Variants in IQUB observed in about 807,000 individuals in gnomAD.
The protein encoded by IQUB is IQ motif and ubiquitin-like domain-containing protein.
A neutral mutation model predicts 86.4 loss-of-function variants in IQUB; 86 were observed. The observed-to-expected ratio is 1.00, with a 90% CI of 0.84 to 1.19. The LOEUF (loss-of-function observed/expected upper bound fraction) is 1.19, where lower values mean the gene tolerates loss of function less well. IQUB is among the 50% of genes most tolerant of loss of function. The probability of loss-of-function intolerance (pLI) is 0.00; values close to 1 mark genes in which losing one functional copy is unlikely to be tolerated. For missense variants in IQUB, 946 were observed against 916.9 expected, an observed-to-expected ratio of 1.03 and a Z score of -0.41; for synonymous variants, 289 against 304.5, an observed-to-expected ratio of 0.95 and a Z score of 0.53.
chr7:123,519,702 T>C (rs1210777324), intron 1 of IQUB, among the ~76,000 whole-genome samples: 1 of 152,172 alleles, frequency 6.6e-6, no homozygotes, highest in African/African-American at 2.4e-5. Context: ...AAAATACATT[T>C]ACATAGAAGG....
At chr7:123,506,231 CT>C (rs1259604018) in intron 3 of IQUB, among the ~76,000 whole-genome samples, 3 of 152,190 alleles carry the variant, frequency 2.0e-5, no homozygotes, top group Non-Finnish European at 4.4e-5. Flanking sequence ...TAACAAGTCT[CT>C]AGGAAGCTCC....
intron 1 of IQUB, among the ~76,000 whole-genome samples, chr7:123,518,979 C>G (rs61264962): frequency 6.6e-6 from 1 of 151,876 alleles, no homozygotes; most frequent in Non-Finnish European, 1.5e-5. Context: ...TCAAATACCC[C>G]CTAATTTATT....
intron 1 of IQUB, among the ~76,000 whole-genome samples, chr7:123,530,369 G>A (rs1797471284): frequency 6.6e-6 from 1 of 151,934 alleles, no homozygotes; most frequent in Non-Finnish European, 1.5e-5. Flanking sequence ...CTGGAAGGCG[G>A]AGGTTGCAGT....
At chr7:123,520,563 G>C (rs1460341150) in intron 1 of IQUB, among the ~76,000 whole-genome samples, 1 of 152,162 alleles carries the variant, frequency 6.6e-6, no homozygotes, top group Non-Finnish European at 1.5e-5. Flanking sequence ...GACAAATGGA[G>C]AAATGAGAAG....
chr7:123,453,230 T>A (rs996730904), intron 12 of IQUB, among the ~76,000 whole-genome samples: 6 of 148,644 alleles, frequency 4.0e-5, no homozygotes, highest in African/African-American at 1.2e-4. Flanking sequence ...CTAGCTTTCT[T>A]AGCCCTTATT....
At chr7:123,463,519 AAGTC>A (rs1285294968) in intron 10 of IQUB, among the ~76,000 whole-genome samples, 1 of 151,844 alleles carries the variant, frequency 6.6e-6, no homozygotes, top group Admixed American at 6.6e-5. Flanking sequence ...TAAGTGAAAG[AAGTC>A]AGTCTCAAAA....
intron 11 of IQUB, 80 bp from the exon 12 acceptor site, chr7:123,457,646 A>G: frequency 1.9e-6 from 2 of 1,029,074 alleles, no homozygotes; most frequent in Non-Finnish European, 1.4e-6. Context: ...AAATAATTAA[A>G]TTATAGAGTA....
At chr7:123,464,293 A>C (rs1794144374) in intron 10 of IQUB, among the ~76,000 whole-genome samples, 1 of 152,012 alleles carries the variant, frequency 6.6e-6, no homozygotes, top group South Asian at 2.1e-4. Context: ...AGTGTAATTC[A>C]AATATGTTAC....
chr7:123,459,899 A>AATC (rs1793903034), intron 11 of IQUB: 1 of 152,006 alleles, frequency 6.6e-6, no homozygotes, highest in Admixed American at 6.6e-5. Flanking sequence ...CAAAATATGT[A>AATC]ATCATTTTAA....
At chr7:123,460,760 A>C (rs1197042044) in intron 11 of IQUB, among the ~76,000 whole-genome samples, 1 of 151,856 alleles carries the variant, frequency 6.6e-6, no homozygotes, top group Non-Finnish European at 1.5e-5. Flanking sequence ...AAAGAGACCG[A>C]AGTAGTGGTT....
intron 1 of IQUB, among the ~76,000 whole-genome samples, chr7:123,513,160 T>C (rs1340446740): frequency 6.6e-6 from 1 of 152,134 alleles, no homozygotes; most frequent in African/African-American, 2.4e-5. Flanking sequence ...GGCTTCTACT[T>C]TGAGCACAAA....
chr7:123,522,473 G>C (rs1796953138), intron 1 of IQUB, among the ~76,000 whole-genome samples: 1 of 152,204 alleles, frequency 6.6e-6, no homozygotes, highest in Admixed American at 6.5e-5. Context: ...TTCCACACTT[G>C]TGAAATGGGA....
At chr7:123,463,040 A>C (rs78011660) in intron 10 of IQUB, among the ~76,000 whole-genome samples, 2,423 of 151,870 alleles carry the variant, frequency 0.016, 61 homozygotes, top group African/African-American at 0.055. Context: ...TAAAGCCAGT[A>C]ACTTTTAAAT....
chr7:123,468,861 G>GA (rs935195497), intron 9 of IQUB, among the ~76,000 whole-genome samples: 4 of 152,138 alleles, frequency 2.6e-5, no homozygotes, highest in South Asian at 2.1e-4. Flanking sequence ...TAATTGATGA[G>GA]AAAAAAGATA....
chr7:123,463,607 G>GTGTT, intron 10 of IQUB, among the ~76,000 whole-genome samples: 1 of 151,828 alleles, frequency 6.6e-6, no homozygotes, highest in Admixed American at 6.6e-5. Flanking sequence ...ACACATATCA[G>GTGTT]TGTTTGCCAA....
rs182396792 is a variant in IQUB, at chr7:123,493,192, G to C, written c.1234+3504C>G. Among the ~76,000 whole-genome samples the C allele has an allele frequency of 1.1e-4, 17 of 152,144 alleles. No individual in the cohort carries two copies. The East Asian group carries it at 3.3e-3, about 29-fold the overall frequency. ...CAATCCTCGTTGTCCCCCAAACACAGGGAACATTTCCAAGCTCACCAGGAA... is the reference window on the plus strand; with the variant it reads ...CAATCCTCGTTGTCCCCCAAACACACGGAACATTTCCAAGCTCACCAGGAA... On this transcript the variant is annotated intron_variant, in intron 7 of 12. Transcript: ENST00000324698.
intron 6 of IQUB, among the ~76,000 whole-genome samples, chr7:123,497,504 T>G (rs1795755066): frequency 6.6e-6 from 1 of 152,070 alleles, no homozygotes; most frequent in Non-Finnish European, 1.5e-5. Context: ...TTTATTAACT[T>G]GTATGAAACA....
At chr7:123,502,499 T>C (rs1795988386) in intron 6 of IQUB, 98 bp downstream of exon 6, 2 of 1,063,896 alleles carry the variant, frequency 1.9e-6, no homozygotes, top group Non-Finnish European at 2.8e-6. Flanking sequence ...ATGAGCATTC[T>C]TTCTCAAGCA....
chr7:123,473,176 T>C (rs1389886759), intron 8 of IQUB, among the ~76,000 whole-genome samples: 1 of 152,210 alleles, frequency 6.6e-6, no homozygotes, highest in Non-Finnish European at 1.5e-5. Context: ...GAAGCTACTA[T>C]ATAGTGATCA....
Sources: allele counts gnomAD v4.1 joint callset (sites outside exome capture counted in the v4.1 genomes callset), GRCh38; gene constraint gnomAD v4.1.1; transcripts MANE v1.5; gene names NCBI Gene and HGNC (gene_info 2026-07-23, HGNC 2026-07-21).